SYNE2: variants seen among roughly 807,000 people sequenced by gnomAD.
SYNE2 encodes nesprin-2.
In SYNE2, 431 loss-of-function variants were observed where a neutral mutation model predicts 856.3. That is an observed-to-expected ratio of 0.50 (90% CI 0.47 to 0.55). The LOEUF is 0.55. Among genes scored for constraint, SYNE2 ranks in the 20% least tolerant of loss-of-function variants. SYNE2 has a pLI of 0.00. For missense variants in SYNE2, 8,129 were observed against 8,023.2 expected, an observed-to-expected ratio of 1.01 and a Z score of -0.50; for synonymous variants, 2,923 against 2,872.3, an observed-to-expected ratio of 1.02 and a Z score of -0.56.
chr14:64,217,132 T>C (rs559065629), intron 108 of SYNE2, among the ~76,000 whole-genome samples: 2 of 152,362 alleles, frequency 1.3e-5, no homozygotes, highest in Admixed American at 6.5e-5. Context: ...TGCCAATCCA[T>C]TGCCATGGTA....
chr14:64,086,368 A>G lies in SYNE2; in HGVS notation c.11485-1303A>G, dbSNP rs575659952. 4.3e-4 allele frequency among the ~76,000 whole-genome samples: 65 copies of G among 152,346 alleles called. 1 individual carries two copies. Among genetic ancestry groups the G allele is most frequent in the African/African-American group, 1.4e-3 (60 of 41,582 alleles). ...CTGTTCAATTAATTTATATGTCTAT[A>G]CTTTCACCAATATGACAGTCTTCAT... is the stretch of plus-strand genomic sequence containing the variant. On this transcript the variant is annotated intron_variant, in intron 57 of 115. Coordinates refer to ENST00000555002, the MANE Select transcript of SYNE2 (RefSeq NM_182914.3).
intron 84 of SYNE2, among the ~76,000 whole-genome samples, chr14:64,151,392 G>C (rs972557232): frequency 8.4e-6 from 1 of 119,638 alleles, no homozygotes; most frequent in African/African-American, 3.2e-5. Context: ...TTTCCTTATG[G>C]ACCATGCAGT....
At chr14:64,131,611 TCA>T (rs1418678308) in intron 76 of SYNE2, among the ~76,000 whole-genome samples, 1 of 152,206 alleles carries the variant, frequency 6.6e-6, no homozygotes, top group Non-Finnish European at 1.5e-5. Flanking sequence ...AGACACGGTC[TCA>T]CTCTGTATTC....
intron 1 of SYNE2, among the ~76,000 whole-genome samples, chr14:63,799,435 C>A (rs1038360016): frequency 6.7e-6 from 1 of 149,070 alleles, no homozygotes; most frequent in African/African-American, 2.5e-5. Context: ...GTGGCTCATG[C>A]CTATAATCCC....
At chr14:63,982,819 CTTTA>C in intron 17 of SYNE2, 25 bp downstream of exon 17, 1 of 1,610,542 alleles carries the variant, frequency 6.2e-7, no homozygotes, top group Middle Eastern at 1.7e-4. Context: ...TTGGTTGCAG[CTTTA>C]TTTAGATATG....
In SYNE2 at chr14:64,031,656, C is replaced by T. The variant is rs1028438349; in HGVS notation, c.7221+299C>T. Among the ~76,000 whole-genome samples the T allele has an allele frequency of 3.9e-5, 6 of 151,928 alleles. No homozygotes were observed. The East Asian group carries it at 7.7e-4, about 20-fold the overall frequency. ...GAGCACAAAGGCAAATTAGAAAAGGCGAAAGAAAAGAAAATGTTCTTTACC... is the reference window on the plus strand; with the variant it reads ...GAGCACAAAGGCAAATTAGAAAAGGTGAAAGAAAAGAAAATGTTCTTTACC... On this transcript the variant is annotated intron_variant, in intron 45 of 115. Transcript: ENST00000555002.
chr14:63,846,409 A>G (rs1440062833), intron 1 of SYNE2, among the ~76,000 whole-genome samples: 2 of 152,170 alleles, frequency 1.3e-5, no homozygotes, highest in African/African-American at 4.8e-5. Context: ...ATTTTTAGCA[A>G]TAGAAATATT....
chr14:64,212,737 C>T, intron 104 of SYNE2, 74 bp from the exon 105 acceptor site: 2 of 1,370,714 alleles, frequency 1.5e-6, no homozygotes, highest in Non-Finnish European at 2.1e-6. Flanking sequence ...TTTCTATGGC[C>T]CTGTTAGAAG....
At chr14:63,899,131 G>A (rs1277002983) in intron 1 of SYNE2, among the ~76,000 whole-genome samples, 1 of 152,080 alleles carries the variant, frequency 6.6e-6, no homozygotes, top group African/African-American at 2.4e-5. Flanking sequence ...AGCATTTGTG[G>A]AAAATTTTCT....
At chr14:64,200,407 C>T (rs921693564) in intron 99 of SYNE2, among the ~76,000 whole-genome samples, 1 of 152,174 alleles carries the variant, frequency 6.6e-6, no homozygotes, top group African/African-American at 2.4e-5. Context: ...TCCAGGAGGG[C>T]AGTCCCTCAG....
intron 66 of SYNE2, among the ~76,000 whole-genome samples, chr14:64,116,586 T>G (rs1381045670): frequency 1.3e-5 from 2 of 152,108 alleles, no homozygotes; most frequent in Non-Finnish European, 2.9e-5. Flanking sequence ...TCTGGCTAAT[T>G]TTTGTATTTT....
chr14:64,222,030 G>A (rs925870266), intron 112 of SYNE2, among the ~76,000 whole-genome samples: 2 of 152,198 alleles, frequency 1.3e-5, no homozygotes, highest in Admixed American at 6.5e-5. Flanking sequence ...GAAATATGGT[G>A]CTCATTTGCT....
rs371086777 is a variant in SYNE2, at chr14:64,044,492, G to A, written c.7222-3508G>A. Reference sequence around the variant, plus strand: ...TATTGAAATGGGTTAATATTTTGGGGGACTGTTGGGAAGGCATGATTGGTT... The same window carrying A: ...TATTGAAATGGGTTAATATTTTGGGAGACTGTTGGGAAGGCATGATTGGTT... On this transcript the variant is annotated intron_variant, in intron 45 of 115. Coordinates refer to ENST00000555002, the MANE Select transcript of SYNE2 (RefSeq NM_182914.3). Among the ~76,000 whole-genome samples, 26 of 151,642 alleles carry A rather than the reference G, an allele frequency of 1.7e-4. 1 individual carries two copies. Among genetic ancestry groups the A allele is most frequent in the African/African-American group, 5.8e-4 (24 of 41,174 alleles).
chr14:64,065,781 T>C (rs1231626345), intron 51 of SYNE2, 131 bp downstream of exon 51: 1 of 987,536 alleles, frequency 1.0e-6, no homozygotes, highest in Non-Finnish European at 1.5e-6. Context: ...TTATACATGA[T>C]ACATAAATGT....
intron 99 of SYNE2, among the ~76,000 whole-genome samples, chr14:64,198,026 C>G (rs2098547373): frequency 6.6e-6 from 1 of 152,212 alleles, no homozygotes; most frequent in Non-Finnish European, 1.5e-5. Context: ...AGAGCCTATG[C>G]AGGTGGAAGA....
chr14:63,812,166 C>G (rs920207311), intron 1 of SYNE2, among the ~76,000 whole-genome samples: 8 of 152,144 alleles, frequency 5.3e-5, no homozygotes, highest in African/African-American at 1.9e-4. Flanking sequence ...AAGACAGACA[C>G]TCCCAGAGCG....
intron 1 of SYNE2, among the ~76,000 whole-genome samples, chr14:63,810,878 A>G (rs1000388083): frequency 6.6e-6 from 1 of 152,164 alleles, no homozygotes; most frequent in Admixed American, 6.6e-5. Context: ...TCTGTTGCCC[A>G]TGCTGGAGTG....
chr14:64,221,517 G>C, intron 111 of SYNE2, 59 bp from the exon 112 acceptor site: 2 of 1,614,162 alleles, frequency 1.2e-6, no homozygotes, highest in Non-Finnish European at 1.7e-6. Flanking sequence ...CCATGTTCCT[G>C]GCACACCCTC....
intron 1 of SYNE2, among the ~76,000 whole-genome samples, chr14:63,828,028 CA>C (rs71120298): frequency 0.094 from 9,258 of 98,368 alleles, 301 homozygotes; most frequent in Middle Eastern, 0.15. Context: ...CTTCGTCTTT[CA>C]AAAAAAAAAA....
Sources: allele counts gnomAD v4.1 joint callset (sites outside exome capture counted in the v4.1 genomes callset), GRCh38; gene constraint gnomAD v4.1.1; transcripts MANE v1.5; gene names NCBI Gene and HGNC (gene_info 2026-07-23, HGNC 2026-07-21).